TAFA4: variants seen among roughly 807,000 people sequenced by gnomAD.
TAFA4 encodes chemokine-like protein TAFA-4.
Under a neutral mutation model 21.1 loss-of-function variants are expected in TAFA4, and 20 were observed. The observed-to-expected ratio is 0.95, with a 90% CI of 0.67 to 1.38. The LOEUF is 1.38. Among genes scored for constraint, TAFA4 ranks in the 40% most tolerant of loss-of-function variants. The pLI is 0.00. For missense variants in TAFA4, 211 were observed against 180.9 expected, an observed-to-expected ratio of 1.17 and a Z score of -0.95; for synonymous variants, 71 against 67.4, an observed-to-expected ratio of 1.05 and a Z score of -0.26.
chr3:68,892,307 TG>T (rs2089737375), intron 1 of TAFA4, among the ~76,000 whole-genome samples: 1 of 152,222 alleles, frequency 6.6e-6, no homozygotes, highest in Non-Finnish European at 1.5e-5. Flanking sequence ...ATGTTGTAAA[TG>T]AGCCATTAAA....
chr3:68,827,153 G>T (rs1421750887), intron 3 of TAFA4, among the ~76,000 whole-genome samples: 1 of 149,472 alleles, frequency 6.7e-6, no homozygotes, highest in Non-Finnish European at 1.5e-5. Flanking sequence ...TTCTGTCCTT[G>T]TGATATTTTG....
intron 3 of TAFA4, among the ~76,000 whole-genome samples, chr3:68,826,161 A>T (rs972267673): frequency 6.6e-6 from 1 of 152,250 alleles, no homozygotes; most frequent in African/African-American, 2.4e-5. Context: ...AGATGCCCTA[A>T]GAACACTGGA....
intron 3 of TAFA4, among the ~76,000 whole-genome samples, chr3:68,812,377 G>C (rs1703862029): frequency 6.6e-6 from 1 of 152,126 alleles, no homozygotes; most frequent in Non-Finnish European, 1.5e-5. Context: ...GACACAGACT[G>C]GCAAATTGGA....
At chr3:68,775,140 T>G (rs766378275) in intron 3 of TAFA4, among the ~76,000 whole-genome samples, 26 of 152,038 alleles carry the variant, frequency 1.7e-4, no homozygotes, top group African/African-American at 2.4e-4. Context: ...CAACTCAGAT[T>G]TTAGCTATTT....
chr3:68,844,781 G>T (rs6805414), intron 3 of TAFA4, among the ~76,000 whole-genome samples: 68,051 of 151,938 alleles, frequency 0.45, 15,824 homozygotes, highest in African/African-American at 0.53. Context: ...ATTTACCCAG[G>T]AGTGATTCAG....
At chr3:68,738,711 A>G (rs905268477) in intron 5 of TAFA4, among the ~76,000 whole-genome samples, 1 of 152,194 alleles carries the variant, frequency 6.6e-6, no homozygotes, top group Non-Finnish European at 1.5e-5. Context: ...TCTCCTTTAA[A>G]GCAATAGGTA....
chr3:68,765,706 A>G (rs2106773979), intron 3 of TAFA4, among the ~76,000 whole-genome samples: 1 of 152,326 alleles, frequency 6.6e-6, no homozygotes, highest in Non-Finnish European at 1.5e-5. Flanking sequence ...AAAACATAAG[A>G]TCTGAACTCA....
chr3:68,820,138 A>G (rs1286257945), intron 3 of TAFA4, among the ~76,000 whole-genome samples: 1 of 152,226 alleles, frequency 6.6e-6, no homozygotes, highest in East Asian at 1.9e-4. Context: ...TTGGAATAAC[A>G]CAGATGAACC....
intron 2 of TAFA4, among the ~76,000 whole-genome samples, chr3:68,881,131 G>A (rs544489574): frequency 6.6e-6 from 1 of 152,280 alleles, no homozygotes; most frequent in Admixed American, 6.5e-5. Context: ...AATAGAGCAT[G>A]GGGATTTTAT....
rs1272427399 is a variant in TAFA4, at chr3:68,853,235, A to AC, written c.130+27494_130+27495insG. On this transcript the variant is annotated intron_variant, in intron 3 of 5. Transcript: ENST00000295569. ...TTATCTACTATAGAGTTAAGGAAAA[A>AC]AAACTTTTTTTTCTCTGCTAGTATT... 9.2e-5 allele frequency among the ~76,000 whole-genome samples: 14 copies of AC among 151,932 alleles called. No homozygotes were observed. The East Asian group carries it at 9.7e-4, about 11-fold the overall frequency.
At chr3:68,737,965 A>G (rs909274317) in intron 5 of TAFA4, among the ~76,000 whole-genome samples, 1 of 152,224 alleles carries the variant, frequency 6.6e-6, no homozygotes, top group East Asian at 1.9e-4. Flanking sequence ...CAAGGCATTC[A>G]TCTGGCTCTG....
chr3:68,764,228 C>T (rs932415411), intron 3 of TAFA4, among the ~76,000 whole-genome samples: 3 of 151,880 alleles, frequency 2.0e-5, no homozygotes, highest in African/African-American at 4.8e-5. Flanking sequence ...CTCATTCTTC[C>T]CCATACCCCC....
At chr3:68,839,175 A>G (rs1488566207) in intron 3 of TAFA4, among the ~76,000 whole-genome samples, 1 of 152,196 alleles carries the variant, frequency 6.6e-6, no homozygotes, top group African/African-American at 2.4e-5. Context: ...ATAATAAGAA[A>G]ATAAATGCTG....
intron 3 of TAFA4, among the ~76,000 whole-genome samples, chr3:68,800,065 A>G (rs1703543845): frequency 2.6e-5 from 4 of 152,178 alleles, no homozygotes; most frequent in Admixed American, 2.6e-4. Context: ...AATTGCAGGA[A>G]GATAAGCTCA....
intron 1 of TAFA4, among the ~76,000 whole-genome samples, chr3:68,925,423 C>A (rs1042329736): frequency 2.0e-5 from 3 of 152,144 alleles, no homozygotes; most frequent in Non-Finnish European, 4.4e-5. Context: ...TTGCCCCCAA[C>A]GATACATACA....
At chr3:68,896,099 G>C (rs1414324151) in intron 1 of TAFA4, among the ~76,000 whole-genome samples, 1 of 152,124 alleles carries the variant, frequency 6.6e-6, no homozygotes, top group Non-Finnish European at 1.5e-5. Context: ...AGCTAGGGAG[G>C]CCAGAGGGGA....
At chr3:68,802,188 C>A (rs1407622051) in intron 3 of TAFA4, among the ~76,000 whole-genome samples, 1 of 152,128 alleles carries the variant, frequency 6.6e-6, no homozygotes, top group Non-Finnish European at 1.5e-5. Context: ...AGCTAACTTT[C>A]ATATGCAGTT....
intron 1 of TAFA4, among the ~76,000 whole-genome samples, chr3:68,888,006 T>C (rs771009756): frequency 2.0e-5 from 3 of 152,176 alleles, no homozygotes; most frequent in Non-Finnish European, 4.4e-5. Flanking sequence ...CTTTCTGTTC[T>C]GCTTCCCCTT....
chr3:68,882,468 G>A (rs900176067), intron 2 of TAFA4, among the ~76,000 whole-genome samples: 8 of 152,286 alleles, frequency 5.3e-5, no homozygotes, highest in South Asian at 4.1e-4. Context: ...TGCCGTGGTC[G>A]CAGCTGCCCC....
Sources: allele counts gnomAD v4.1 joint callset (sites outside exome capture counted in the v4.1 genomes callset), GRCh38; gene constraint gnomAD v4.1.1; transcripts MANE v1.5; gene names NCBI Gene and HGNC (gene_info 2026-07-23, HGNC 2026-07-21).